The following SF3B3 variants were observed in gnomAD, a reference collection of about 807,000 sequenced individuals.
SF3B3 encodes the protein splicing factor 3b subunit 3.
A neutral mutation model predicts 139.2 loss-of-function variants in SF3B3; 33 were observed. The ratio of observed to expected loss-of-function variants is 0.24; its 90% CI spans 0.18 to 0.32. SF3B3 has a LOEUF of 0.32. Among genes scored for constraint, SF3B3 ranks in the 10% least tolerant of loss-of-function variants. The probability of loss-of-function intolerance (pLI) is 1.00; values close to 1 mark genes in which losing one functional copy is unlikely to be tolerated. For synonymous variants in SF3B3, 596 were observed against 563.6 expected (o/e 1.06, Z -0.81); for missense variants, 818 against 1,509.4 (o/e 0.54, Z 7.59).
At chr16:70,530,488 T>C (rs2050111227) in intron 3 of SF3B3, among the ~76,000 whole-genome samples, 1 of 151,892 alleles carries the variant, frequency 6.6e-6, no homozygotes, top group Admixed American at 6.6e-5. Context: ...CCTAGCTAAT[T>C]TTTTGTATTT....
chr16:70,525,856 G>T (rs1009398978), intron 1 of SF3B3, among the ~76,000 whole-genome samples: 1 of 150,714 alleles, frequency 6.6e-6, no homozygotes, highest in Non-Finnish European at 1.5e-5. Context: ...AGCTACTCGG[G>T]AGCCTGAGGC....
intron 4 of SF3B3, 86 bp downstream of exon 4, chr16:70,531,003 C>T (rs2050115885): frequency 2.4e-6 from 3 of 1,253,528 alleles, no homozygotes; most frequent in South Asian, 2.9e-5. Flanking sequence ...CGTGGTGGCT[C>T]ACGCCTGTAA....
chr16:70,526,246 C>T (rs1184336635), intron 1 of SF3B3, among the ~76,000 whole-genome samples: 1 of 151,748 alleles, frequency 6.6e-6, no homozygotes, highest in East Asian at 1.9e-4. Flanking sequence ...CTCATTCTGT[C>T]GCCCAGCCTG....
intron 15 of SF3B3, among the ~76,000 whole-genome samples, chr16:70,558,355 G>A (rs1285438362): frequency 6.6e-6 from 1 of 151,434 alleles, no homozygotes; most frequent in African/African-American, 2.4e-5. Context: ...GCCTCAAGTG[G>A]TCCTCCTACA....
rs376902314 is a variant in SF3B3, at chr16:70,556,193, T to C, written c.1725T>C (p.Asn575=). 95 of 1,614,032 alleles carry C rather than the reference T, an allele frequency of 5.9e-5. No homozygotes were observed. Among genetic ancestry groups the C allele is most frequent in the Admixed American group, 6.7e-5 (4 of 59,996 alleles). Residue 575 remains asparagine, a synonymous_variant, in exon 14 of 26, where the codon AAT becomes AAC. Coordinates refer to ENST00000302516, the MANE Select transcript of SF3B3 (RefSeq NM_012426.5). ...TCCTCCTGTAGTCAGGACAGCTGAA[T>C]GAGTACACAGAACGGAAGGAGATGT... The part of the protein sequence containing the change: ...YFEMDPSGQL[N]EYTERKEMSA...
chr16:70,556,679 G>A (rs923284274), intron 14 of SF3B3: 24 of 625,462 alleles, frequency 3.8e-5, no homozygotes, highest in African/African-American at 2.8e-4. Context: ...TATCTTCTTT[G>A]ACAAAAGGAG....
intron 8 of SF3B3, among the ~76,000 whole-genome samples, chr16:70,539,868 C>A (rs1055288843): frequency 1.3e-5 from 2 of 150,026 alleles, no homozygotes; most frequent in African/African-American, 4.9e-5. Context: ...CCTCTGCCTC[C>A]CAGGTTCAAG....
chr16:70,534,327 G>A (rs2050147149), intron 5 of SF3B3, among the ~76,000 whole-genome samples: 1 of 152,226 alleles, frequency 6.6e-6, no homozygotes, highest in Non-Finnish European at 1.5e-5. Flanking sequence ...GGTAGGAGTA[G>A]GGGTGGGGTG....
intron 21 of SF3B3, 146 bp from the exon 22 acceptor site, chr16:70,568,137 T>C: frequency 3.0e-6 from 2 of 671,094 alleles, no homozygotes; most frequent in Non-Finnish European, 5.3e-6. Flanking sequence ...GGCTCTTTTT[T>C]CCCACCTAGA....
chr16:70,530,728 A>T lies in SF3B3; in HGVS notation c.398-17A>T. On this transcript the variant is annotated splice_polypyrimidine_tract_variant and intron_variant, in intron 3 of 25. Coordinates refer to ENST00000302516, the MANE Select transcript of SF3B3 (RefSeq NM_012426.5). Reference sequence around the variant, plus strand: ...ATTATCTGGGAATCTTGTATGTTTTATCTCCTTCAACTACAGGTGCCATTG... The same window carrying T: ...ATTATCTGGGAATCTTGTATGTTTTTTCTCCTTCAACTACAGGTGCCATTG... The T allele has an allele frequency of 6.2e-7, 1 of 1,600,928 alleles. No individual in the cohort carries two copies.
intron 3 of SF3B3, chr16:70,529,411 T>G (rs2050099223): frequency 3.6e-6 from 2 of 560,702 alleles, no homozygotes; most frequent in Non-Finnish European, 6.3e-6. Flanking sequence ...ACTTCCCATC[T>G]AGTTGGAAAT....
At chr16:70,548,771 A>G (rs1171912587) in intron 11 of SF3B3, among the ~76,000 whole-genome samples, 1 of 152,222 alleles carries the variant, frequency 6.6e-6, no homozygotes, top group East Asian at 1.9e-4. Context: ...TATGAGGGAA[A>G]GTTGTGCTTT....
At chr16:70,536,658 C>T (rs1050386554) in intron 6 of SF3B3, among the ~76,000 whole-genome samples, 2 of 151,824 alleles carry the variant, frequency 1.3e-5, no homozygotes, top group Non-Finnish European at 2.9e-5. Context: ...CGCACCCGGC[C>T]TTTTTTGTAT....
rs927685391 is a variant in SF3B3, at chr16:70,574,558, G to T, written c.*2745G>T. 1.3e-5 allele frequency: 2 copies of T among 152,224 alleles called. No individual in the cohort carries two copies. Among genetic ancestry groups the T allele is most frequent in the Non-Finnish European group, 2.9e-5 (2 of 68,052 alleles). 9.4% of individuals were successfully genotyped at this position (152,224 alleles called of 1,614,324 possible). The stretch of plus-strand genomic sequence containing the variant: ...CTCTTGACCAGGCTAGAGGGCTGTG[G>T]TGCGATCTCAGCCCACTGCAACCTC... On this transcript the variant is annotated 3_prime_UTR_variant, in exon 26 of 26. Transcript: ENST00000302516.
At chr16:70,535,452 TG>T (rs1425817685) in intron 6 of SF3B3, 32 bp downstream of exon 6, 3 of 1,312,472 alleles carry the variant, frequency 2.3e-6, no homozygotes, top group Non-Finnish European at 3.3e-6. Flanking sequence ...GAGAGAGATT[TG>T]TGTTTAATTT....
In SF3B3 at chr16:70,569,046, A is replaced by T; in HGVS notation, c.3169A>T (p.Arg1057Trp). 6.2e-7 allele frequency: 1 copy of T among 1,605,438 alleles called. No individual in the cohort carries two copies. The highest frequency in any genetic ancestry group is 1.7e-5 in the Admixed American group (1 of 59,404). The change falls in exon 23 of 26, where the codon AGG becomes TGG. Residue 1057 changes from arginine to tryptophan, a missense_variant. By Grantham distance (101) the Arg-to-Trp change is moderately radical. Around this residue, in one of 14 missense-constraint regions of SF3B3, gnomAD observed 91 missense variants for 171.8 expected, o/e 0.53. Transcript: ENST00000302516. Reference sequence around the variant, plus strand: ...GACTTGTGTCACTTCCTTGTAGGTGAGGCTCCCACCTAACACCAATGATGA... The same window carrying T: ...GACTTGTGTCACTTCCTTGTAGGTGTGGCTCCCACCTAACACCAATGATGA... ...ADKFGNICVV[R>W]LPPNTNDEVD...
At chr16:70,553,285 A>G (rs1183753374) in intron 11 of SF3B3, among the ~76,000 whole-genome samples, 8 of 152,030 alleles carry the variant, frequency 5.3e-5, no homozygotes, top group Non-Finnish European at 7.4e-5. Flanking sequence ...GAACTGATCT[A>G]GTAACCTTAA....
intron 12 of SF3B3, 151 bp downstream of exon 12, chr16:70,554,748 C>T: frequency 1.3e-6 from 1 of 772,542 alleles, no homozygotes; most frequent in South Asian, 1.9e-5. Flanking sequence ...TAATATCCCT[C>T]TCTGTATTTG....
chr16:70,535,858 T>C (rs575202115), intron 6 of SF3B3, among the ~76,000 whole-genome samples: 1 of 152,116 alleles, frequency 6.6e-6, no homozygotes, highest in Non-Finnish European at 1.5e-5. Context: ...CCGTTATTAA[T>C]ATTTTGCTAC....
Sources: allele counts gnomAD v4.1 joint callset (sites outside exome capture counted in the v4.1 genomes callset), GRCh38; gene constraint gnomAD v4.1.1; regional missense constraint gnomAD v4.1.1; transcripts MANE v1.5; gene names NCBI Gene and HGNC (gene_info 2026-07-23, HGNC 2026-07-21).